Variants in ANKS1B observed in about 807,000 individuals in gnomAD.
The protein encoded by ANKS1B is ankyrin repeat and sterile alpha motif domain-containing protein 1B.
A neutral mutation model predicts 148.3 loss-of-function variants in ANKS1B; 36 were observed. That is an observed-to-expected ratio of 0.24 (90% CI 0.19 to 0.32). The LOEUF (loss-of-function observed/expected upper bound fraction) is 0.32, where lower values mean the gene tolerates loss of function less well. Among genes scored for constraint, ANKS1B ranks in the 10% least tolerant of loss-of-function variants. The pLI, the probability that ANKS1B is intolerant of heterozygous loss-of-function variation, is 1.00. For synonymous variants in ANKS1B, 542 were observed against 560.8 expected (o/e 0.97, Z 0.47); for missense variants, 1,157 against 1,542.6 (o/e 0.75, Z 4.19).
At chr12:99,312,988 G>A (rs1208125540) in intron 12 of ANKS1B, among the ~76,000 whole-genome samples, 1 of 152,030 alleles carries the variant, frequency 6.6e-6, no homozygotes, top group Non-Finnish European at 1.5e-5. Context: ...CCAGGAGATG[G>A]TTTTTTGAAA....
chr12:99,228,883 A>G (rs2086385037), intron 14 of ANKS1B, among the ~76,000 whole-genome samples: 2 of 151,990 alleles, frequency 1.3e-5, no homozygotes, highest in Admixed American at 1.3e-4. Flanking sequence ...ATTGATACCT[A>G]TAAAGTTTTG....
intron 17 of ANKS1B, among the ~76,000 whole-genome samples, chr12:98,859,228 CT>C (rs1241001140): frequency 2.6e-5 from 4 of 152,172 alleles, no homozygotes; most frequent in African/African-American, 9.7e-5. Context: ...CAAAAAATGA[CT>C]TCAATAGAGC....
chr12:99,184,914 A>G (rs945630465), intron 14 of ANKS1B, among the ~76,000 whole-genome samples: 4 of 152,210 alleles, frequency 2.6e-5, no homozygotes, highest in Admixed American at 1.3e-4. Context: ...TTGATGAAAA[A>G]TTCTTAGCAC....
At chr12:98,893,065 G>GT (rs1397731187) in intron 17 of ANKS1B, among the ~76,000 whole-genome samples, 3 of 152,010 alleles carry the variant, frequency 2.0e-5, no homozygotes, top group Non-Finnish European at 4.4e-5. Context: ...CATTCTGAAG[G>GT]TTTTTTTAAA....
At chr12:98,906,931 T>C (rs901383433) in intron 17 of ANKS1B, among the ~76,000 whole-genome samples, 10 of 152,140 alleles carry the variant, frequency 6.6e-5, no homozygotes, top group Non-Finnish European at 1.3e-4. Flanking sequence ...ATATGTTGTT[T>C]TGACATACAT....
intron 1 of ANKS1B, among the ~76,000 whole-genome samples, chr12:99,940,001 C>T (rs528652694): frequency 1.0e-3 from 152 of 152,232 alleles, no homozygotes; most frequent in African/African-American, 3.4e-3. Context: ...ACAGTTAAGA[C>T]GTACTTTCAT....
chr12:99,176,777 C>T (rs898846001), intron 14 of ANKS1B, among the ~76,000 whole-genome samples: 1 of 152,056 alleles, frequency 6.6e-6, no homozygotes, highest in African/African-American at 2.4e-5. Context: ...CCATTTTCTC[C>T]GTGTGAGATG....
intron 1 of ANKS1B, among the ~76,000 whole-genome samples, chr12:99,899,850 T>C (rs1007005895): frequency 1.2e-4 from 19 of 152,100 alleles, no homozygotes; most frequent in African/African-American, 4.6e-4. Flanking sequence ...AGTCTTAAAA[T>C]GTTTCCAGGA....
chr12:98,792,411 T>C (rs1176295403), intron 22 of ANKS1B, among the ~76,000 whole-genome samples: 1 of 152,194 alleles, frequency 6.6e-6, no homozygotes, highest in African/African-American at 2.4e-5. Context: ...GGGGTAATTA[T>C]CATACCTGGA....
In ANKS1B at chr12:98,948,947, C is replaced by CTTT. The variant is rs869145338; in HGVS notation, c.2778+104207_2778+104209dup. Among the ~76,000 whole-genome samples, 63 of 84,846 alleles carry CTTT rather than the reference C, an allele frequency of 7.4e-4. 3 individuals carry two copies. The highest frequency in any genetic ancestry group is 1.4e-3 in the South Asian group (3 of 2,106). 55.7% of individuals were successfully genotyped at this position (84,846 alleles called of 152,430 possible). On this transcript the variant is annotated intron_variant, in intron 17 of 26. Coordinates refer to ENST00000683438, the MANE Select transcript of ANKS1B (RefSeq NM_001352186.2). The stretch of plus-strand genomic sequence containing the variant: ...AGGGGTGAGATATGAGCATGAGCTA[C>CTTT]TTTTTTTTTTTTTTTTTTTTTTTGA...
chr12:99,026,706 C>A (rs2099948960), intron 17 of ANKS1B, among the ~76,000 whole-genome samples: 1 of 152,150 alleles, frequency 6.6e-6, no homozygotes, highest in African/African-American at 2.4e-5. Flanking sequence ...AACAGGGAGT[C>A]CATTGCATTT....
At chr12:99,123,013 T>TATATATATAA (rs1406812994) in intron 15 of ANKS1B, among the ~76,000 whole-genome samples, 34 of 145,698 alleles carry the variant, frequency 2.3e-4, no homozygotes, top group African/African-American at 7.8e-4. Context: ...TATATATATA[T>TATATATATAA]AAACATGTAT....
chr12:99,013,675 C>A (rs567862938), intron 17 of ANKS1B, among the ~76,000 whole-genome samples: 1 of 152,096 alleles, frequency 6.6e-6, no homozygotes, highest in Admixed American at 6.6e-5. Flanking sequence ...TCTCAGGATA[C>A]GAAATCAATG....
At chr12:99,811,623 T>G (rs1274191636) in intron 3 of ANKS1B, among the ~76,000 whole-genome samples, 1 of 151,912 alleles carries the variant, frequency 6.6e-6, no homozygotes, top group Non-Finnish European at 1.5e-5. Flanking sequence ...TTTATTCAAC[T>G]TATTCTGGGC....
chr12:99,286,812 A>T (rs1373192756), intron 12 of ANKS1B, among the ~76,000 whole-genome samples: 1 of 152,104 alleles, frequency 6.6e-6, no homozygotes, highest in African/African-American at 2.4e-5. Context: ...ACAGCGAGAG[A>T]CTTCTTCTGC....
chr12:98,838,764 C>G (rs1320432284), intron 17 of ANKS1B, among the ~76,000 whole-genome samples: 1 of 152,198 alleles, frequency 6.6e-6, no homozygotes, highest in African/African-American at 2.4e-5. Context: ...AGAGTAGCCT[C>G]TTCTAATAAA....
intron 25 of ANKS1B, among the ~76,000 whole-genome samples, chr12:98,754,226 C>T (rs746325068): frequency 3.9e-5 from 6 of 152,206 alleles, no homozygotes; most frequent in Non-Finnish European, 7.3e-5. Flanking sequence ...CCCATGTTTG[C>T]CTCCAGAGAT....
rs1214294759 is a variant in ANKS1B at position 98,957,317 on chromosome 12, ATTT to A, written c.2778+95837_2778+95839del. On this transcript the variant is annotated intron_variant, in intron 17 of 26. Coordinates refer to ENST00000683438, the MANE Select transcript of ANKS1B (RefSeq NM_001352186.2). ...GCTCCAGGATTTTTTTTAAATATTT[ATTT>A]ATTTATTTATTTATTTATTTATTTA... Among the ~76,000 whole-genome samples, 114 of 43,510 alleles carry A rather than the reference ATTT, an allele frequency of 2.6e-3. 1 individual carries two copies. The highest frequency in any genetic ancestry group is 0.021 in the African/African-American group (102 of 4,746). The allele number at this position is 43,510 out of a possible 152,430, so 28.5% of individuals were successfully genotyped here.
chr12:99,316,383 TC>T (rs1352602900), intron 12 of ANKS1B, among the ~76,000 whole-genome samples: 1 of 152,202 alleles, frequency 6.6e-6, no homozygotes, highest in African/African-American at 2.4e-5. Flanking sequence ...TGAGATGGTA[TC>T]TAGTTGTGGT....
Sources: gnomAD v4.1 joint callset for allele counts (sites outside exome capture counted in the v4.1 genomes callset) on GRCh38, gnomAD v4.1.1 for gene constraint, MANE v1.5 for transcripts, NCBI Gene and HGNC (gene_info 2026-07-23, HGNC 2026-07-21) for gene names.